The following KCNQ3 variants were observed in gnomAD, a reference collection of about 807,000 sequenced individuals.
KCNQ3 encodes the protein potassium voltage-gated channel subfamily KQT member 3.
A neutral mutation model predicts 92.5 loss-of-function variants in KCNQ3; 30 were observed. The ratio of observed to expected loss-of-function variants is 0.32; its 90% confidence interval spans 0.24 to 0.44. The LOEUF (loss-of-function observed/expected upper bound fraction) is 0.44, where lower values mean the gene tolerates loss of function less well. Ranked by LOEUF, KCNQ3 falls within the 20% of genes least tolerant of loss-of-function variation. The pLI is 1.00. For synonymous variants in KCNQ3, 450 were observed against 468.8 expected (o/e 0.96, Z 0.52); for missense variants, 913 against 1,140.3 (o/e 0.80, Z 2.87).
chr8:132,434,634 C>T (rs576564344), intron 1 of KCNQ3, among the ~76,000 whole-genome samples: 13 of 152,158 alleles, frequency 8.5e-5, no homozygotes, highest in Non-Finnish European at 1.6e-4. Flanking sequence ...GCCCCAAACT[C>T]AAAAGTTTTA....
intron 1 of KCNQ3, among the ~76,000 whole-genome samples, chr8:132,464,169 T>C (rs1221587810): frequency 6.6e-6 from 1 of 152,212 alleles, no homozygotes; most frequent in Admixed American, 6.5e-5. Flanking sequence ...ATCTGATACC[T>C]ACTATACGCC....
chr8:132,453,883 C>T (rs148870817), intron 1 of KCNQ3, among the ~76,000 whole-genome samples: 1,784 of 152,276 alleles, frequency 0.012, 13 homozygotes, highest in Non-Finnish European at 0.018. Context: ...CTGTGCAGTC[C>T]CCACGGAAGC....
chr8:132,311,698 T>C (rs543019598), intron 1 of KCNQ3, among the ~76,000 whole-genome samples: 12 of 152,228 alleles, frequency 7.9e-5, no homozygotes, highest in Non-Finnish European at 1.5e-4. Context: ...TGTTAATTAT[T>C]ATTAACTTAA....
At chr8:132,133,175 A>G (rs1586754610) in intron 13 of KCNQ3, among the ~76,000 whole-genome samples, 1 of 152,040 alleles carries the variant, frequency 6.6e-6, no homozygotes, top group Non-Finnish European at 1.5e-5. Context: ...CTGCATCCCT[A>G]AAAGAAGGTA....
intron 1 of KCNQ3, among the ~76,000 whole-genome samples, chr8:132,187,435 A>T (rs1003508216): frequency 6.6e-6 from 1 of 152,128 alleles, no homozygotes; most frequent in Non-Finnish European, 1.5e-5. Context: ...AGTGATCCTG[A>T]TCATATTTTC....
chr8:132,206,989 A>C (rs1261861231), intron 1 of KCNQ3, among the ~76,000 whole-genome samples: 1 of 152,224 alleles, frequency 6.6e-6, no homozygotes, highest in African/African-American at 2.4e-5. Context: ...TATTCAAAAC[A>C]ATCATGTTTA....
intron 1 of KCNQ3, among the ~76,000 whole-genome samples, chr8:132,303,249 C>T (rs1474460471): frequency 6.6e-6 from 1 of 152,032 alleles, no homozygotes; most frequent in Non-Finnish European, 1.5e-5. Context: ...GATGATAAAG[C>T]ACTCATTTGC....
chr8:132,372,075 C>T (rs1290313975), intron 1 of KCNQ3, among the ~76,000 whole-genome samples: 1 of 152,166 alleles, frequency 6.6e-6, no homozygotes, highest in Admixed American at 6.5e-5. Context: ...AGCTCCTGTC[C>T]CAGCCCTATC....
At chr8:132,257,109 GAA>G (rs1815614534) in intron 1 of KCNQ3, among the ~76,000 whole-genome samples, 1 of 152,096 alleles carries the variant, frequency 6.6e-6, no homozygotes, top group Non-Finnish European at 1.5e-5. Context: ...ACAAAGAAGA[GAA>G]GAGAGAATGG....
chr8:132,471,088 G>A (rs1489610142), intron 1 of KCNQ3, among the ~76,000 whole-genome samples: 1 of 152,150 alleles, frequency 6.6e-6, no homozygotes, highest in East Asian at 1.9e-4. Flanking sequence ...TTACATGCAT[G>A]CCAAGGTTTG....
At chr8:132,208,981 C>CTA (rs939541135) in intron 1 of KCNQ3, among the ~76,000 whole-genome samples, 7 of 152,060 alleles carry the variant, frequency 4.6e-5, no homozygotes, top group African/African-American at 1.7e-4. Context: ...GGCCTCTGGG[C>CTA]TATTGCAAAG....
intron 1 of KCNQ3, among the ~76,000 whole-genome samples, chr8:132,423,137 A>C (rs896654513): frequency 2.6e-5 from 4 of 152,056 alleles, no homozygotes; most frequent in Non-Finnish European, 5.9e-5. Context: ...ACCACCCCCC[A>C]CCACCACCCC....
intron 1 of KCNQ3, among the ~76,000 whole-genome samples, chr8:132,188,467 C>T (rs752400759): frequency 1.4e-4 from 22 of 152,146 alleles, no homozygotes; most frequent in Non-Finnish European, 2.8e-4. Context: ...CTCTTATGAC[C>T]TGCGTGTTCT....
intron 1 of KCNQ3, among the ~76,000 whole-genome samples, chr8:132,414,935 C>T (rs140499075): frequency 1.2e-4 from 19 of 152,328 alleles, no homozygotes; most frequent in African/African-American, 4.3e-4. Flanking sequence ...GGAAAGTGGG[C>T]TGAGTTAGGG....
chr8:132,441,003 A>G (rs1821522509), intron 1 of KCNQ3, among the ~76,000 whole-genome samples: 1 of 152,174 alleles, frequency 6.6e-6, no homozygotes, highest in Non-Finnish European at 1.5e-5. Context: ...CTCTATTCTT[A>G]TCACAGAAAC....
Position 132,480,649 on chromosome 8 carries a change from A to T in KCNQ3, c.-117T>A. On this transcript the variant is annotated 5_prime_UTR_variant, in exon 1 of 15. The change abolishes an upstream ATG in the 5' untranslated region. Coordinates refer to ENST00000388996, the MANE Select transcript of KCNQ3 (RefSeq NM_004519.4). The stretch of plus-strand genomic sequence containing the variant: ...CTGCAAGCCCGGGAACTCCAATGCC[A>T]TGATCCGCGCGCCCCTCCCCACCCC... 9.5e-7 allele frequency: 1 copy of T among 1,050,510 alleles called. No individual in the cohort carries two copies. The highest frequency in any genetic ancestry group is 1.2e-6 in the Non-Finnish European group (1 of 846,362). 65.1% of individuals were successfully genotyped at this position (1,050,510 alleles called of 1,614,324 possible). A position where few individuals can be genotyped will look rare whatever the true frequency, so the allele number is the denominator to read the frequency against.
chr8:132,379,272 G>C (rs375338379), intron 1 of KCNQ3, among the ~76,000 whole-genome samples: 6 of 151,888 alleles, frequency 4.0e-5, no homozygotes, highest in African/African-American at 1.5e-4. Flanking sequence ...TTTAATCCTT[G>C]TGACAAATTT....
Position 132,248,920 on chromosome 8 carries a change from G to A in KCNQ3, c.387-62739C>T, listed in dbSNP as rs568213947. Among the ~76,000 whole-genome samples the A allele has an allele frequency of 2.6e-5, 4 of 152,332 alleles. No homozygotes were observed. The East Asian group carries it at 7.7e-4, about 29-fold the overall frequency. The stretch of plus-strand genomic sequence containing the variant: ...GTGCTGGTGTGTCCGGAATTGGTGG[G>A]TTCTTGATCTCACTGACTTCAAGAA... On this transcript the variant is annotated intron_variant, in intron 1 of 14. Coordinates refer to ENST00000388996, the MANE Select transcript of KCNQ3 (RefSeq NM_004519.4).
intron 9 of KCNQ3, among the ~76,000 whole-genome samples, chr8:132,157,602 C>G (rs1370485346): frequency 1.3e-5 from 2 of 152,066 alleles, no homozygotes; most frequent in African/African-American, 2.4e-5. Context: ...AGTGTTGCCC[C>G]CAGAGCCAAC....
Sources: gnomAD v4.1 joint callset for allele counts (sites outside exome capture counted in the v4.1 genomes callset) on GRCh38, gnomAD v4.1.1 for gene constraint, MANE v1.5 for transcripts, NCBI Gene and HGNC (gene_info 2026-07-23, HGNC 2026-07-21) for gene names.